Variants in FOXN3 observed in about 807,000 individuals in gnomAD.
FOXN3 encodes forkhead box N3.
Under a neutral mutation model 38.4 loss-of-function variants are expected in FOXN3, and 7 were observed. The observed-to-expected ratio is 0.18, with a 90% CI of 0.10 to 0.34. FOXN3 has a LOEUF of 0.34. Among genes scored for constraint, FOXN3 ranks in the 10% least tolerant of loss-of-function variants. FOXN3 has a pLI of 1.00. For missense variants in FOXN3, 456 were observed against 613.4 expected (o/e 0.74, Z 2.71); for synonymous variants, 230 against 242.2 (o/e 0.95, Z 0.47).
At chr14:89,272,048 G>A (rs1283695422) in intron 4 of FOXN3, among the ~76,000 whole-genome samples, 1 of 152,206 alleles carries the variant, frequency 6.6e-6, no homozygotes, top group African/African-American at 2.4e-5. Flanking sequence ...AGTGGCTCAT[G>A]CCTGTAATCC....
intron 1 of FOXN3, among the ~76,000 whole-genome samples, chr14:89,527,264 G>A (rs1406580649): frequency 1.3e-5 from 2 of 152,110 alleles, no homozygotes; most frequent in Non-Finnish European, 2.9e-5. Context: ...TTAAACATAA[G>A]ACTATAAAAC....
At chr14:89,451,430 G>C (rs373316824) in intron 1 of FOXN3, among the ~76,000 whole-genome samples, 1 of 152,164 alleles carries the variant, frequency 6.6e-6, no homozygotes, top group African/African-American at 2.4e-5. Context: ...ACCTGCCTAC[G>C]GCCCGTCGGT....
intron 1 of FOXN3, among the ~76,000 whole-genome samples, chr14:89,590,837 G>C (rs1248092488): frequency 1.3e-5 from 2 of 152,142 alleles, no homozygotes; most frequent in Non-Finnish European, 2.9e-5. Context: ...TTGTCTGATA[G>C]TAGGTCATAA....
intron 1 of FOXN3, among the ~76,000 whole-genome samples, chr14:89,520,836 GAC>G (rs1463914206): frequency 1.3e-5 from 2 of 152,138 alleles, no homozygotes; most frequent in African/African-American, 4.8e-5. Flanking sequence ...ATCCCAAGGT[GAC>G]ACAGAGGTTG....
intron 1 of FOXN3, among the ~76,000 whole-genome samples, chr14:89,435,171 C>T (rs1477803092): frequency 2.0e-5 from 3 of 151,978 alleles, no homozygotes; most frequent in Admixed American, 6.6e-5. Flanking sequence ...TTGCTTGAAC[C>T]CAGGAGTTAG....
intron 1 of FOXN3, among the ~76,000 whole-genome samples, chr14:89,588,492 G>C (rs984388163): frequency 6.6e-6 from 1 of 152,090 alleles, no homozygotes; most frequent in Admixed American, 6.6e-5. Flanking sequence ...AACACCGCCC[G>C]ATAGCACCAA....
At chr14:89,574,752 C>G (rs185392636) in intron 1 of FOXN3, among the ~76,000 whole-genome samples, 207 of 152,278 alleles carry the variant, frequency 1.4e-3, no homozygotes, top group Non-Finnish European at 2.4e-3. Flanking sequence ...GAAAAGAAGA[C>G]TGGGCCAAAT....
At chr14:89,578,547 A>G (rs1447555069) in intron 1 of FOXN3, among the ~76,000 whole-genome samples, 2 of 152,044 alleles carry the variant, frequency 1.3e-5, no homozygotes, top group Non-Finnish European at 2.9e-5. Flanking sequence ...CCGACACAGA[A>G]CTCTTGTTCT....
chr14:89,482,608 T>C (rs1434199116), intron 1 of FOXN3, among the ~76,000 whole-genome samples: 1 of 147,146 alleles, frequency 6.8e-6, no homozygotes, highest in East Asian at 2.0e-4. Context: ...AGCAAAACCC[T>C]GTCTAAAAAA....
rs60485648 is a variant in FOXN3 at position 89,424,713 on chromosome 14, CA to C, written c.-14-12224del. The stretch of plus-strand genomic sequence containing the variant: ...CAACATAGGGAGATCTATGACTCTA[CA>C]AAAAAAAAAAAAATAGAAAAATTAG... On this transcript the variant is annotated intron_variant, in intron 1 of 6. Transcript: ENST00000345097. 9.7e-3 allele frequency among the ~76,000 whole-genome samples: 894 copies of C among 91,704 alleles called. 5 individuals are homozygous for C. Among genetic ancestry groups the C allele is most frequent in the African/African-American group, 0.01 (268 of 26,400 alleles). The allele number at this position is 91,704 out of a possible 152,430, so 60.2% of individuals were successfully genotyped here. A position where few individuals can be genotyped will look rare whatever the true frequency, so the allele number is the denominator to read the frequency against.
chr14:89,455,593 C>T (rs1226558207), intron 1 of FOXN3, among the ~76,000 whole-genome samples: 2 of 152,178 alleles, frequency 1.3e-5, no homozygotes, highest in Non-Finnish European at 1.5e-5. Flanking sequence ...GCTGAGTGAG[C>T]CGGCCACAGC....
At chr14:89,291,608 C>T in intron 3 of FOXN3, 1 of 512,618 alleles carries the variant, frequency 2.0e-6, no homozygotes, top group South Asian at 1.5e-5. Flanking sequence ...GCTTTGCTGC[C>T]CTGGGGTCCT....
intron 1 of FOXN3, among the ~76,000 whole-genome samples, chr14:89,530,737 G>A (rs1164043190): frequency 6.6e-6 from 1 of 151,124 alleles, no homozygotes; most frequent in East Asian, 1.9e-4. Flanking sequence ...AGCTTTCCAA[G>A]TAGCTGGGAT....
chr14:89,354,215 T>A (rs1293603719), intron 2 of FOXN3, among the ~76,000 whole-genome samples: 1 of 148,926 alleles, frequency 6.7e-6, no homozygotes, highest in Non-Finnish European at 1.5e-5. Context: ...GAATGCTTTT[T>A]TTGTTTGGTT....
chr14:89,612,848 G>A lies in FOXN3; in HGVS notation c.-15+6180C>T, dbSNP rs374971856. Among the ~76,000 whole-genome samples, 22 of 151,606 alleles carry A rather than the reference G, an allele frequency of 1.5e-4. No individual in the cohort carries two copies. The East Asian group carries it at 4.1e-3, about 28-fold the overall frequency. ...CTTAAAAAAAAAAAAGTCCGGACACGGTGGCTCACGCTTGTGCTCCCAGCA... is the reference window on the plus strand; with the variant it reads ...CTTAAAAAAAAAAAAGTCCGGACACAGTGGCTCACGCTTGTGCTCCCAGCA... On this transcript the variant is annotated intron_variant, in intron 1 of 6. Transcript: ENST00000345097.
At chr14:89,174,388 TCCAGGGGGA>T (rs1192717918) in intron 5 of FOXN3, among the ~76,000 whole-genome samples, 2 of 152,110 alleles carry the variant, frequency 1.3e-5, no homozygotes, top group Non-Finnish European at 2.9e-5. Context: ...AGTGGTAATA[TCCAGGGGGA>T]CCACAATTTT....
At chr14:89,587,545 A>G (rs1566710010) in intron 1 of FOXN3, among the ~76,000 whole-genome samples, 2 of 152,170 alleles carry the variant, frequency 1.3e-5, no homozygotes, top group Admixed American at 6.5e-5. Flanking sequence ...ACTGTGTGGG[A>G]GAAGCAACAT....
chr14:89,390,489 T>TAA lies in FOXN3; in HGVS notation c.543+21444_543+21445insTT, dbSNP rs1890913145. 5.9e-5 allele frequency among the ~76,000 whole-genome samples: 7 copies of TAA among 118,438 alleles called. No individual in the cohort carries two copies. In the South Asian group the frequency reaches 1.4e-3, roughly 23 times the overall value. 77.7% of individuals were successfully genotyped at this position (118,438 alleles called of 152,430 possible). A position where few individuals can be genotyped will look rare whatever the true frequency, so the allele number is the denominator to read the frequency against. ...TCAGGGATTTTCTCTAAGCTGCTTT[T>TAA]TAAAAAAAAAAAAAAAAAAAGGAAA... On this transcript the variant is annotated intron_variant, in intron 2 of 5. Coordinates refer to ENST00000557258, the MANE Select transcript of FOXN3 (RefSeq NM_005197.4).
chr14:89,538,462 A>C (rs1177738055), intron 1 of FOXN3, among the ~76,000 whole-genome samples: 1 of 152,222 alleles, frequency 6.6e-6, no homozygotes, highest in Non-Finnish European at 1.5e-5. Context: ...ATGAAGCAGG[A>C]GGCTGCCATC....
Sources: gnomAD v4.1 joint callset for allele counts (sites outside exome capture counted in the v4.1 genomes callset) on GRCh38, gnomAD v4.1.1 for gene constraint, MANE v1.5 for transcripts, NCBI Gene and HGNC (gene_info 2026-07-23, HGNC 2026-07-21) for gene names.